Variants in WTAP observed in about 807,000 individuals in gnomAD.
WTAP encodes the protein WT1 associated protein.
WTAP carries 8 observed loss-of-function variants against 50.0 expected under a neutral mutation model. The ratio of observed to expected loss-of-function variants is 0.16; its 90% confidence interval spans 0.09 to 0.29. WTAP has a LOEUF of 0.29. Ranked by LOEUF, WTAP falls within the 10% of genes least tolerant of loss-of-function variation. The pLI is 1.00. For synonymous variants in WTAP, 194 were observed against 169.0 expected (o/e 1.15, Z -1.15); for missense variants, 295 against 470.7 (o/e 0.63, Z 3.45).
At chr6:159,732,431 G>C (rs541140724) in intron 1 of WTAP, among the ~76,000 whole-genome samples, 4 of 152,230 alleles carry the variant, frequency 2.6e-5, no homozygotes, top group African/African-American at 7.2e-5. Flanking sequence ...TGAAGTTCCT[G>C]GTTGGTTCTC....
At chr6:159,743,080 C>T (rs190895309) in intron 4 of WTAP, among the ~76,000 whole-genome samples, 8 of 152,350 alleles carry the variant, frequency 5.3e-5, no homozygotes, top group Non-Finnish European at 5.9e-5. Flanking sequence ...CAGGGTCTCG[C>T]ACTGTTGCCC....
Position 159,753,568 on chromosome 6 carries a change from G to T in WTAP, c.561G>T (p.Leu187Phe). 1 of 1,614,154 alleles carries T rather than the reference G, an allele frequency of 6.2e-7. No homozygotes were observed. Among genetic ancestry groups the T allele is most frequent in the Non-Finnish European group, 8.5e-7 (1 of 1,180,020 alleles). The change falls in exon 7 of 8, where the codon TTG (leucine) becomes TTT (phenylalanine). Residue 187 changes from leucine to phenylalanine, a missense_variant. By Grantham distance (22) the Leu-to-Phe change is conservative. This residue lies in a region of WTAP where 120 missense variants were observed against 287.6 expected (regional missense o/e 0.42). Transcript: ENST00000621533. ...QGRIAQLEAE[L>F]ALQKKYSEEL... is the part of the protein sequence containing the mutation. ...GTATTGCACAACTTGAAGCAGAGTT[G>T]GCTTTACAGAAGAAATACAGTGAGG...
intron 1 of WTAP, among the ~76,000 whole-genome samples, chr6:159,732,886 A>AGT (rs67554039): frequency 0.14 from 21,016 of 146,222 alleles, 1,634 homozygotes; most frequent in East Asian, 0.34. Context: ...ATATATATAT[A>AGT]GTGTGTGTGT....
At chr6:159,741,240 T>C (rs530987926) in intron 3 of WTAP, among the ~76,000 whole-genome samples, 1 of 152,294 alleles carries the variant, frequency 6.6e-6, no homozygotes, top group African/African-American at 2.4e-5. Flanking sequence ...AGAAGTATAA[T>C]GAAGAACAAC....
intron 3 of WTAP, 46 bp from the exon 4 acceptor site, chr6:159,742,038 TAATA>T: frequency 7.8e-7 from 1 of 1,279,782 alleles, no homozygotes; most frequent in South Asian, 1.3e-5. Context: ...CTAGTTTATT[TAATA>T]AACTATTTTA....
intron 3 of WTAP, among the ~76,000 whole-genome samples, chr6:159,740,353 T>G (rs1455518922): frequency 1.3e-5 from 2 of 152,234 alleles, no homozygotes; most frequent in Non-Finnish European, 2.9e-5. Context: ...TTGAGGTCAG[T>G]TTAACATCTT....
At chr6:159,753,292 T>C in intron 6 of WTAP, 168 bp from the exon 7 acceptor site, 1 of 1,002,864 alleles carries the variant, frequency 1.0e-6, no homozygotes, top group Non-Finnish European at 1.4e-6. Context: ...GGCAAAATAC[T>C]GAAATGCAGA....
chr6:159,749,867 T>C (rs1354885673), intron 6 of WTAP, among the ~76,000 whole-genome samples: 1 of 152,256 alleles, frequency 6.6e-6, no homozygotes, highest in Non-Finnish European at 1.5e-5. Flanking sequence ...CGTCAGATCA[T>C]TCTATAAGTC....
At position 159,755,400 on chromosome 6, in the gene WTAP, G is replaced by C; in HGVS notation, c.980G>C (p.Gly327Ala). Reference protein sequence around the residue: ...SEERTGRGGSGYVNQLSAGYE... With the variant: ...SEERTGRGGSAYVNQLSAGYE... ...GAGAGAACTGGCAGAGGAGGTAGTG[G>C]TTACGTAAATCAACTCAGTGCGGGG... The change falls in exon 8 of 8, where the codon GGT becomes GCT. Residue 327 changes from glycine to alanine, a missense_variant. By Grantham distance (60) the Gly-to-Ala change is moderately conservative. Around this residue, in one of 2 missense-constraint regions of WTAP, gnomAD observed 175 missense variants for 183.1 expected, o/e 0.96. Transcript: ENST00000621533. 1.2e-6 allele frequency: 2 copies of C among 1,614,160 alleles called. No homozygotes were observed. The highest frequency in any genetic ancestry group is 1.1e-5 in the South Asian group (1 of 91,088).
intron 1 of WTAP, among the ~76,000 whole-genome samples, chr6:159,729,436 A>C (rs1778429548): frequency 6.6e-6 from 1 of 152,228 alleles, no homozygotes; most frequent in African/African-American, 2.4e-5. Context: ...TATTGTGTAT[A>C]ACAAGATGTT....
At chr6:159,747,179 G>T (rs369332051) in intron 5 of WTAP, among the ~76,000 whole-genome samples, 2 of 152,156 alleles carry the variant, frequency 1.3e-5, no homozygotes, top group African/African-American at 4.8e-5. Flanking sequence ...CTTTGAGTAT[G>T]AAGAAAATGA....
intron 6 of WTAP, among the ~76,000 whole-genome samples, chr6:159,750,489 C>G (rs114667352): frequency 6.6e-6 from 1 of 152,192 alleles, no homozygotes; most frequent in Non-Finnish European, 1.5e-5. Context: ...TCCTCATTCT[C>G]TTCTCCAAGA....
At chr6:159,749,201 T>A in intron 6 of WTAP, 1 of 985,864 alleles carries the variant, frequency 1.0e-6, no homozygotes, top group South Asian at 4.7e-5. Context: ...TTTGAAGCAT[T>A]ATAAACATTC....
At chr6:159,750,365 A>G (rs1304407569) in intron 6 of WTAP, among the ~76,000 whole-genome samples, 1 of 152,124 alleles carries the variant, frequency 6.6e-6, no homozygotes, top group Non-Finnish European at 1.5e-5. Flanking sequence ...TTTTCTTGTC[A>G]TTGTTAAAAT....
In WTAP at chr6:159,727,606, C is replaced by G; in HGVS notation, c.-106C>G. 8 of 986,408 alleles carry G rather than the reference C, an allele frequency of 8.1e-6. No homozygotes were observed. The highest frequency in any genetic ancestry group is 9.6e-6 in the Non-Finnish European group (8 of 830,724). 61.1% of individuals were successfully genotyped at this position (986,408 alleles called of 1,614,324 possible). A position where few individuals can be genotyped will look rare whatever the true frequency, so the allele number is the denominator to read the frequency against. ...GCGGCGGGGCCGGCGGCAGAGCTGT[C>G]CGGCTGCGCGGTGGCCCGGGGGGCC... On this transcript the variant is annotated 5_prime_UTR_variant, in exon 1 of 8. Coordinates refer to ENST00000621533, the MANE Select transcript of WTAP (RefSeq NM_001270531.2).
rs1001862653 is a variant in WTAP at position 159,755,444 on chromosome 6, C to T, written c.1024C>T (p.Pro342Ser). 2 of 1,614,028 alleles carry T rather than the reference C, an allele frequency of 1.2e-6. No homozygotes were observed. Among genetic ancestry groups the T allele is most frequent in the Non-Finnish European group, 1.7e-6 (2 of 1,179,998 alleles). The stretch of plus-strand genomic sequence containing the variant: ...TGCGGGGTATGAAAGTGTAGACTCT[C>T]CCACGGGCAGTGAAAACTCTCTCAC... ...LSAGYESVDS[P>S]TGSENSLTHQ... is the part of the protein sequence containing the mutation. The change falls in exon 8 of 8, where the codon CCC becomes TCC. Residue 342 changes from proline to serine, a missense_variant. Coordinates refer to ENST00000621533, the MANE Select transcript of WTAP (RefSeq NM_001270531.2).
At chr6:159,740,087 C>T (rs1779158976) in intron 3 of WTAP, among the ~76,000 whole-genome samples, 1 of 151,870 alleles carries the variant, frequency 6.6e-6, no homozygotes, top group South Asian at 2.1e-4. Context: ...TGAAGTGATT[C>T]TCTCACCTTG....
Position 159,742,070 on chromosome 6 carries a change from T to C in WTAP, c.87-18T>C, listed in dbSNP as rs1779290203. 1.3e-6 allele frequency: 2 copies of C among 1,570,994 alleles called. No individual in the cohort carries two copies. The highest frequency in any genetic ancestry group is 1.4e-5 in the African/African-American group (1 of 72,704). On this transcript the variant is annotated intron_variant, in intron 3 of 7. Transcript: ENST00000621533. ...CTATTTTATCGTAACAACTAATGTA[T>C]GGATTTTTTTTTATTAGATGGAAAC...
chr6:159,732,816 C>T (rs952755148), intron 1 of WTAP, among the ~76,000 whole-genome samples: 2 of 151,574 alleles, frequency 1.3e-5, no homozygotes, highest in African/African-American at 2.4e-5. Flanking sequence ...AGAGACCGGG[C>T]GCAGGGGGAG....
Sources: gnomAD v4.1 joint callset for allele counts (sites outside exome capture counted in the v4.1 genomes callset) on GRCh38, gnomAD v4.1.1 for gene constraint, gnomAD v4.1.1 regional missense constraint, MANE v1.5 for transcripts, NCBI Gene and HGNC (gene_info 2026-07-23, HGNC 2026-07-21) for gene names.